Variants in MYH7B observed in about 807,000 individuals in gnomAD.
MYH7B encodes the protein myosin-7B.
Under a neutral mutation model 234.5 loss-of-function variants are expected in MYH7B, and 205 were observed. The observed-to-expected ratio is 0.87, with a 90% CI of 0.78 to 0.98. MYH7B has a LOEUF of 0.98. Ranked by LOEUF, MYH7B falls within the 50% of genes least tolerant of loss-of-function variation. The probability of loss-of-function intolerance (pLI) is 0.00; values close to 1 mark genes in which losing one functional copy is unlikely to be tolerated. For missense variants in MYH7B, 2,652 were observed against 2,633.4 expected (o/e 1.01, Z -0.15); for synonymous variants, 1,193 against 1,105.0 (o/e 1.08, Z -1.58).
At chr20:34,995,662 C>A in intron 28 of MYH7B, 84 bp downstream of exon 28, 1 of 1,560,408 alleles carries the variant, frequency 6.4e-7, no homozygotes, top group Non-Finnish European at 8.7e-7. Context: ...CACCCCGGCT[C>A]TGCTAAGCCT....
At chr20:34,985,523 C>G (rs2082004278) in intron 13 of MYH7B, among the ~76,000 whole-genome samples, 3 of 152,094 alleles carry the variant, frequency 2.0e-5, no homozygotes, top group Non-Finnish European at 4.4e-5. Context: ...CCTGCCCCAG[C>G]TGCACAGCTA....
chr20:34,967,948 A>G lies in MYH7B; in HGVS notation c.-221-7452A>G, dbSNP rs1031809263. Among the ~76,000 whole-genome samples, 3 of 152,182 alleles carry G rather than the reference A, an allele frequency of 2.0e-5. No homozygotes were observed. The East Asian group carries it at 5.8e-4, about 29-fold the overall frequency. On this transcript the variant is annotated intron_variant, in intron 2 of 44. Transcript: ENST00000262873. The stretch of plus-strand genomic sequence containing the variant: ...TTCCAGAATGTTGGCTGCATTGGGC[A>G]CTGTCTCAAATTCCACCTACAGAGT...
intron 2 of MYH7B, among the ~76,000 whole-genome samples, chr20:34,961,628 C>A (rs2081698506): frequency 6.6e-6 from 1 of 152,214 alleles, no homozygotes; most frequent in Non-Finnish European, 1.5e-5. Flanking sequence ...GAAACCTCAT[C>A]CCTATTAGTA....
chr20:34,983,364 TTTCAGTTTTG>T (rs2081970976), intron 10 of MYH7B, among the ~76,000 whole-genome samples: 1 of 124,994 alleles, frequency 8.0e-6, no homozygotes, highest in Non-Finnish European at 1.8e-5. Context: ...TTGATTTTCA[TTTCAGTTTTG>T]TTTTGTTTTG....
At chr20:34,965,581 G>C (rs1190477730) in intron 2 of MYH7B, among the ~76,000 whole-genome samples, 4 of 152,226 alleles carry the variant, frequency 2.6e-5, no homozygotes, top group Admixed American at 6.5e-5. Context: ...CCTGTCTTGT[G>C]GGGTAGACAG....
chr20:34,972,615 C>T (rs1009733087), intron 2 of MYH7B, among the ~76,000 whole-genome samples: 4 of 152,110 alleles, frequency 2.6e-5, no homozygotes, highest in African/African-American at 9.7e-5. Context: ...ACCCCTCTTC[C>T]TGGCAGTCTG....
At chr20:34,980,668 C>A (rs1438233862) in exon 8 of MYH7B, 1 of 1,614,104 alleles carries the variant, frequency 6.2e-7, no homozygotes, top group Non-Finnish European at 8.5e-7. Context: ...CAAGGGAAAG[C>A]GCCGCTCAGA....
intron 36 of MYH7B, 62 bp from the exon 37 acceptor site, chr20:34,999,504 TGAGTG>T (rs2082327694): frequency 5.2e-6 from 8 of 1,535,992 alleles, no homozygotes; most frequent in Middle Eastern, 1.8e-4. Flanking sequence ...GAATCAGGGG[TGAGTG>T]GAGTGACCTG....
exon 32 of MYH7B, chr20:34,997,367 G>A (rs1361448214): frequency 1.3e-6 from 2 of 1,526,238 alleles, no homozygotes; most frequent in East Asian, 2.5e-5. Context: ...AGCGGCTGGA[G>A]GAGGCAGGCG....
rs578240950 is a variant in MYH7B, at chr20:34,980,661, G to A, written c.426G>A (p.Lys142=). 2.2e-5 allele frequency: 36 copies of A among 1,614,218 alleles called. No homozygotes were observed. In the East Asian group the frequency reaches 7.6e-4, roughly 34 times the overall value. The change falls in exon 8 of 45, where the codon AAG becomes AAA. Residue 142 remains lysine, a synonymous_variant. Transcript: ENST00000262873. ...CGGCCTCCGTAGTGGCTGCTTACAA[G>A]GGAAAGCGCCGCTCAGATTCCCCGC...
exon 45 of MYH7B, chr20:35,002,372 A>C: frequency 5.3e-6 from 3 of 562,632 alleles, no homozygotes; most frequent in Non-Finnish European, 8.5e-6. Context: ...GGAAAAACAC[A>C]GTCCTAGGGA....
chr20:34,961,168 C>T (rs1267129306), intron 2 of MYH7B, among the ~76,000 whole-genome samples: 1 of 152,326 alleles, frequency 6.6e-6, no homozygotes, highest in South Asian at 2.1e-4. Flanking sequence ...TATAGACCCT[C>T]TTCTCCACTT....
At chr20:34,979,951 G>T (rs1340707392) in intron 7 of MYH7B, 147 bp downstream of exon 7, 7 of 907,912 alleles carry the variant, frequency 7.7e-6, no homozygotes, top group Non-Finnish European at 1.1e-5. Context: ...GTCCATAGCG[G>T]GGGTGGGGCT....
At chr20:35,001,441 A>G (rs2082379894) in exon 43 of MYH7B, 1 of 1,602,118 alleles carries the variant, frequency 6.2e-7, no homozygotes, top group African/African-American at 1.3e-5. Context: ...GCCGAGGAGG[A>G]CAGGAAGAAC....
chr20:34,967,564 G>A lies in MYH7B; in HGVS notation c.-221-7836G>A, dbSNP rs146770244. ...GTAGAGCAGAGCTACAGCACCCCCC[G>A]CCCTCCACTGCTGCTTGGTCTTTCA... On this transcript the variant is annotated intron_variant, in intron 2 of 44. Transcript: ENST00000262873. 8.1e-3 allele frequency among the ~76,000 whole-genome samples: 1,237 copies of A among 152,088 alleles called. 8 individuals carry two copies. The highest frequency in any genetic ancestry group is 0.012 in the Non-Finnish European group (799 of 67,982).
intron 10 of MYH7B, among the ~76,000 whole-genome samples, chr20:34,983,469 T>G (rs1321207137): frequency 3.3e-5 from 5 of 152,072 alleles, no homozygotes; most frequent in African/African-American, 1.2e-4. Context: ...TCTGGGGACG[T>G]AACAGAAAGT....
chr20:34,984,593 C>A (rs1260976817), intron 10 of MYH7B, 99 bp from the exon 11 acceptor site: 11 of 1,082,492 alleles, frequency 1.0e-5, no homozygotes, highest in South Asian at 6.7e-5. Flanking sequence ...CTCCACCCCC[C>A]TGTCCTGCTG....
chr20:34,962,871 G>A (rs1296595947), intron 2 of MYH7B, among the ~76,000 whole-genome samples: 1 of 152,204 alleles, frequency 6.6e-6, no homozygotes, highest in Non-Finnish European at 1.5e-5. Flanking sequence ...ACCAAGGCTG[G>A]CAGATCACCT....
exon 24 of MYH7B, chr20:34,991,016 C>G: frequency 3.7e-6 from 6 of 1,612,522 alleles, no homozygotes; most frequent in Non-Finnish European, 5.1e-6. Context: ...GTCATGGATG[C>G]CTTCTTGGTG....
Sources: allele counts gnomAD v4.1 joint callset (sites outside exome capture counted in the v4.1 genomes callset), GRCh38; gene constraint gnomAD v4.1.1; transcripts MANE v1.5; gene names NCBI Gene and HGNC (gene_info 2026-07-23, HGNC 2026-07-21).